The following PTER variants were observed in gnomAD, a reference collection of about 807,000 sequenced individuals.
PTER encodes the protein N-acetyltaurine hydrolase.
PTER carries 38 observed loss-of-function variants against 29.6 expected under a neutral mutation model. The observed-to-expected ratio is 1.28, with a 90% CI of 0.99 to 1.68. The LOEUF (loss-of-function observed/expected upper bound fraction) is 1.68. Ranked by LOEUF, PTER falls within the 40% of genes most tolerant of loss-of-function variation. PTER has a pLI of 0.00. For synonymous variants in PTER, 172 were observed against 154.5 expected, an observed-to-expected ratio of 1.11 and a Z score of -0.84; for missense variants, 482 against 427.8, an observed-to-expected ratio of 1.13 and a Z score of -1.12.
chr10:16,460,052 G>T (rs1284099133), intron 1 of PTER, among the ~76,000 whole-genome samples: 2 of 152,106 alleles, frequency 1.3e-5, no homozygotes, highest in Non-Finnish European at 1.5e-5. Flanking sequence ...CCAGCCCAGG[G>T]TTATATTTAT....
intron 1 of PTER, among the ~76,000 whole-genome samples, chr10:16,483,007 C>G (rs1835538514): frequency 6.6e-6 from 1 of 152,126 alleles, no homozygotes; most frequent in Non-Finnish European, 1.5e-5. Flanking sequence ...GTCTCAAACT[C>G]CTGGCCTTAT....
chr10:16,467,393 G>A (rs1327926732), intron 1 of PTER, among the ~76,000 whole-genome samples: 2 of 152,076 alleles, frequency 1.3e-5, no homozygotes, highest in East Asian at 1.9e-4. Flanking sequence ...TGGGGCCCCT[G>A]GAACAGATTT....
Position 16,484,080 on chromosome 10 carries a change from T to C in PTER, c.-48-257T>C, listed in dbSNP as rs1234086638. Among the ~76,000 whole-genome samples the C allele has an allele frequency of 4.6e-5, 7 of 152,128 alleles. No individual in the cohort carries two copies. In the East Asian group the frequency reaches 1.4e-3, roughly 29 times the overall value. On this transcript the variant is annotated intron_variant, in intron 1 of 4. Transcript: ENST00000535784. ...ACTGAATATCAAAGAATATTTCCAG[T>C]AGATAAGGTTAGGACTAACTCAGGC...
At chr10:16,471,417 A>G (rs899480487) in intron 1 of PTER, among the ~76,000 whole-genome samples, 1 of 152,188 alleles carries the variant, frequency 6.6e-6, no homozygotes, top group African/African-American at 2.4e-5. Context: ...ACTGATTATA[A>G]ATGTTATAAA....
At chr10:16,482,836 C>T (rs1454909344) in intron 1 of PTER, among the ~76,000 whole-genome samples, 1 of 152,034 alleles carries the variant, frequency 6.6e-6, no homozygotes, top group Non-Finnish European at 1.5e-5. Flanking sequence ...GGCTGGAGTG[C>T]AGTGGCGCGA....
At chr10:16,469,568 G>A (rs188240134) in intron 1 of PTER, among the ~76,000 whole-genome samples, 68 of 152,296 alleles carry the variant, frequency 4.5e-4, no homozygotes, top group African/African-American at 1.4e-3. Flanking sequence ...GAAACTGAGT[G>A]GGTGTGGGTG....
intron 3 of PTER, among the ~76,000 whole-genome samples, chr10:16,493,889 G>A (rs10795400): frequency 0.43 from 66,060 of 152,030 alleles, 14,541 homozygotes; most frequent in South Asian, 0.68. Context: ...GAGTATTCCA[G>A]ATTATACTAT....
chr10:16,439,791 G>C (rs1833783512), intron 1 of PTER, among the ~76,000 whole-genome samples: 2 of 152,090 alleles, frequency 1.3e-5, no homozygotes, highest in African/African-American at 4.8e-5. Context: ...TTAAACTCCT[G>C]GGCTCAAGTG....
At chr10:16,478,298 T>C (rs1442722900) in intron 1 of PTER, among the ~76,000 whole-genome samples, 1 of 151,988 alleles carries the variant, frequency 6.6e-6, no homozygotes, top group Non-Finnish European at 1.5e-5. Context: ...TGAAATACTG[T>C]TTTCTTCCTC....
intron 1 of PTER, among the ~76,000 whole-genome samples, chr10:16,476,422 C>T (rs540338155): frequency 6.6e-6 from 1 of 152,162 alleles, no homozygotes; most frequent in East Asian, 1.9e-4. Flanking sequence ...TATCGTTTTA[C>T]TTGCTTTTTA....
chr10:16,486,853 G>A (rs543777718), intron 3 of PTER: 144 of 462,638 alleles, frequency 3.1e-4, no homozygotes, highest in Non-Finnish European at 4.8e-4. Flanking sequence ...AAGATATTTC[G>A]CATAAGTCAT....
chr10:16,481,321 T>C (rs1179906995), intron 1 of PTER, among the ~76,000 whole-genome samples: 2 of 152,236 alleles, frequency 1.3e-5, no homozygotes, highest in African/African-American at 4.8e-5. Context: ...TCATCGTTCC[T>C]TACCTTCTTC....
At chr10:16,456,979 A>G (rs1260274677) in intron 1 of PTER, among the ~76,000 whole-genome samples, 2 of 151,858 alleles carry the variant, frequency 1.3e-5, no homozygotes, top group African/African-American at 4.8e-5. Flanking sequence ...GCCTGCTGCC[A>G]TGATTGTGAG....
At chr10:16,437,286 A>G (rs905413231) in intron 1 of PTER, 1 of 151,458 alleles carries the variant, frequency 6.6e-6, no homozygotes, top group Non-Finnish European at 1.5e-5. Flanking sequence ...CTCGACAGCA[A>G]TGCCCGGGGG....
intron 1 of PTER, among the ~76,000 whole-genome samples, chr10:16,440,784 C>T (rs181646738): frequency 1.1e-4 from 17 of 152,346 alleles, no homozygotes; most frequent in South Asian, 6.2e-4. Context: ...CTGTGTTAGA[C>T]GTATTCGATG....
At chr10:16,445,901 A>G (rs1472889451) in intron 1 of PTER, among the ~76,000 whole-genome samples, 3 of 151,994 alleles carry the variant, frequency 2.0e-5, no homozygotes, top group Non-Finnish European at 4.4e-5. Flanking sequence ...CTAGGATGAG[A>G]AGTTGTCCTG....
At chr10:16,438,509 A>G (rs1833736017) in intron 1 of PTER, among the ~76,000 whole-genome samples, 1 of 145,378 alleles carries the variant, frequency 6.9e-6, no homozygotes, top group African/African-American at 2.5e-5. Context: ...GGGTTTTGCC[A>G]TTTTGTCCAG....
intron 1 of PTER, among the ~76,000 whole-genome samples, chr10:16,447,309 G>A (rs1834051644): frequency 6.6e-6 from 1 of 151,464 alleles, no homozygotes; most frequent in Admixed American, 6.6e-5. Context: ...GTGTTGCTCA[G>A]GTCAATGTCT....
chr10:16,511,080 C>T lies in PTER; in HGVS notation c.874C>T (p.Arg292Ter), dbSNP rs143073635. The change falls in exon 5 of 5, where the codon CGA (arginine) becomes TGA (stop). Residue 292 changes from arginine (R) to a stop codon, truncating the protein, a stop_gained. Transcript: ENST00000535784. LOFTEE classifies it high-confidence loss of function. ...RLLVEEGCED[R>*]ILVAHDIHTK... The stretch of plus-strand genomic sequence containing the variant: ...CCTGGTGGAAGAGGGCTGTGAAGAT[C>T]GAATTCTGGTAGCACATGACATACA... 1.5e-5 allele frequency: 25 copies of T among 1,613,654 alleles called. No individual in the cohort carries two copies. Among genetic ancestry groups the T allele is most frequent in the Middle Eastern group, 1.6e-4 (1 of 6,082 alleles).
Sources: gnomAD v4.1 joint callset for allele counts (sites outside exome capture counted in the v4.1 genomes callset) on GRCh38, gnomAD v4.1.1 for gene constraint, MANE v1.5 for transcripts, NCBI Gene and HGNC (gene_info 2026-07-23, HGNC 2026-07-21) for gene names.